The following DMAP1 variants were observed in gnomAD, a reference collection of about 807,000 sequenced individuals.
DMAP1 encodes DNA methyltransferase 1 associated protein 1, also known as DNA methyltransferase 1-associated protein 1.
Under a neutral mutation model 52.7 loss-of-function variants are expected in DMAP1, and 26 were observed. The ratio of observed to expected loss-of-function variants is 0.49; its 90% CI spans 0.36 to 0.68. DMAP1 has a LOEUF of 0.68. Among genes scored for constraint, DMAP1 ranks in the 30% least tolerant of loss-of-function variants. The pLI is 0.00. For missense variants in DMAP1, 439 were observed against 625.2 expected (o/e 0.70, Z 3.18); for synonymous variants, 231 against 246.0 (o/e 0.94, Z 0.57).
chr1:44,217,669 C>T (rs187249547), intron 3 of DMAP1: 5 of 164,410 alleles, frequency 3.0e-5, no homozygotes, highest in Admixed American at 2.8e-4. Context: ...TGGTTGTGGT[C>T]TTTAACTGAG....
chr1:44,219,948 G>A (rs1643873797), intron 8 of DMAP1, 69 bp from the exon 9 acceptor site: 8 of 1,610,138 alleles, frequency 5.0e-6, no homozygotes, highest in Non-Finnish European at 6.8e-6. Context: ...GGCAGGGGGA[G>A]GGGAGTTCAC....
Position 44,214,874 on chromosome 1 carries a change from C to T in DMAP1, c.369C>T (p.Asp123=). The change falls in exon 3 of 10, where the codon GAC becomes GAT. Residue 123 remains aspartate, a synonymous_variant. Transcript: ENST00000372289. ...HWRRAAEEGK[D]YPFARFNKTV... ...GACGTGCAGCGGAGGAGGGCAAGGA[C>T]TACCCCTTTGCCAGGTTCAATAAGG... 6.2e-7 allele frequency: 1 copy of T among 1,614,212 alleles called. No homozygotes were observed. Among genetic ancestry groups the T allele is most frequent in the Non-Finnish European group, 8.5e-7 (1 of 1,180,032 alleles).
At position 44,218,998 on chromosome 1, in the gene DMAP1, G is replaced by A. The variant is rs563199023; in HGVS notation, c.721-58G>A. On this transcript the variant is annotated intron_variant, in intron 5 of 9. Coordinates refer to ENST00000372289, the MANE Select transcript of DMAP1 (RefSeq NM_019100.5). The surrounding 1 kb of genome is among the most constrained non-coding windows in gnomAD (Gnocchi z 5.6). The stretch of plus-strand genomic sequence containing the variant: ...GACAGCCCAGCACCCTGTCACCTCC[G>A]TGTCTACCCTCACTCCTAGAAGTGC... 39 of 1,593,666 alleles carry A rather than the reference G, an allele frequency of 2.4e-5. No homozygotes were observed. The highest frequency in any genetic ancestry group is 5.1e-5 in the Admixed American group (3 of 58,576).
intron 3 of DMAP1, chr1:44,215,411 G>T (rs138367931): frequency 1.1e-4 from 47 of 443,808 alleles, no homozygotes; most frequent in Non-Finnish European, 1.7e-4. Flanking sequence ...CCACCCAGTT[G>T]CCCAAACCAG....
rs1572024688 is a variant in DMAP1, at chr1:44,214,216, C to T, written c.106-134C>T. Reference sequence around the variant, plus strand: ...GGATGGTGTTCCTGGGAGTGGGTTTCTGTGCCTTTACAGTGTGTCAGTTTG... The same window carrying T: ...GGATGGTGTTCCTGGGAGTGGGTTTTTGTGCCTTTACAGTGTGTCAGTTTG... On this transcript the variant is annotated intron_variant, in intron 1 of 9. Coordinates refer to ENST00000372289, the MANE Select transcript of DMAP1 (RefSeq NM_019100.5). 42 of 842,688 alleles carry T rather than the reference C, an allele frequency of 5.0e-5. 1 individual carries two copies. The highest frequency in any genetic ancestry group is 3.9e-4 in the East Asian group (16 of 41,208). The allele number at this position is 842,688 out of a possible 1,614,324, so 52.2% of individuals were successfully genotyped here.
rs1264227096 is a variant in DMAP1 at position 44,220,661 on chromosome 1, C to T, written c.*43C>T. Reference sequence around the variant, plus strand: ...GGGCGACGCTGTTATGTAAATAGAGCTGCTGAGTTGGACCAGGCTGCTTCC... The same window carrying T: ...GGGCGACGCTGTTATGTAAATAGAGTTGCTGAGTTGGACCAGGCTGCTTCC... On this transcript the variant is annotated 3_prime_UTR_variant, in exon 10 of 10. Transcript: ENST00000372289. 6.2e-7 allele frequency: 1 copy of T among 1,611,768 alleles called. No individual in the cohort carries two copies.
Position 44,218,044 on chromosome 1 carries a change from A to G in DMAP1, c.394-267A>G, listed in dbSNP as rs560547899. The G allele has an allele frequency of 9.1e-6, 5 of 547,534 alleles. No individual in the cohort carries two copies. Among genetic ancestry groups the G allele is most frequent in the South Asian group, 3.9e-5 (2 of 51,238 alleles). The allele number at this position is 547,534 out of a possible 1,614,324, so 33.9% of individuals were successfully genotyped here. On this transcript the variant is annotated intron_variant, in intron 3 of 9. Coordinates refer to ENST00000372289, the MANE Select transcript of DMAP1 (RefSeq NM_019100.5). This position sits in a 1 kb window ranked among gnomAD's most constrained non-coding sequence, Gnocchi z 5.6. ...TACATGTGGGCCCCTCACCTTAACT[A>G]TGGGGGCAGGAGTGTGTGTCCCATG...
chr1:44,220,371 G>C, intron 9 of DMAP1, 62 bp downstream of exon 9: 2 of 1,524,408 alleles, frequency 1.3e-6, no homozygotes, highest in Admixed American at 2.0e-5. Flanking sequence ...ATGCACATGG[G>C]TGTAGGGGCT....
intron 8 of DMAP1, 69 bp downstream of exon 8, chr1:44,219,947 A>C (rs1643873742): frequency 1.2e-6 from 2 of 1,609,148 alleles, no homozygotes; most frequent in Non-Finnish European, 1.7e-6. Context: ...GGGCAGGGGG[A>C]GGGGAGTTCA....
chr1:44,213,687 C>T lies in DMAP1; in HGVS notation c.-67C>T. On this transcript the variant is annotated 5_prime_UTR_variant, in exon 1 of 10. Coordinates refer to ENST00000372289, the MANE Select transcript of DMAP1 (RefSeq NM_019100.5). The surrounding 1 kb of genome is among the most constrained non-coding windows in gnomAD (Gnocchi z 4.5). ...GGTCTGGATTGGCCCCGCCCCCTGA[C>T]CTGAGCCTGGTCCTTCTTCAGGCAC... 1 of 1,475,564 alleles carries T rather than the reference C, an allele frequency of 6.8e-7. No individual in the cohort carries two copies. Among genetic ancestry groups the T allele is most frequent in the Non-Finnish European group, 9.3e-7 (1 of 1,080,742 alleles). The allele number at this position is 1,475,564 out of a possible 1,614,324, so 91.4% of individuals were successfully genotyped here.
chr1:44,218,299 C>G lies in DMAP1; in HGVS notation c.394-12C>G. ...GCGGGCATGCCCCTACTGTGTCCCT[C>G]TGTGCTAGTAGACTGTGCAGGTGCC... On this transcript the variant is annotated splice_polypyrimidine_tract_variant and intron_variant, in intron 3 of 9. Transcript: ENST00000372289. This position sits in a 1 kb window ranked among gnomAD's most constrained non-coding sequence, Gnocchi z 5.6. The G allele has an allele frequency of 6.2e-7, 1 of 1,614,244 alleles. No individual in the cohort carries two copies. Among genetic ancestry groups the G allele is most frequent in the Non-Finnish European group, 8.5e-7 (1 of 1,180,038 alleles).
At position 44,219,130 on chromosome 1, in the gene DMAP1, C is replaced by T; in HGVS notation, c.795C>T (p.Ser265=). 1 of 1,614,190 alleles carries T rather than the reference C, an allele frequency of 6.2e-7. No homozygotes were observed. Among genetic ancestry groups the T allele is most frequent in the East Asian group, 2.2e-5 (1 of 44,878 alleles). The change falls in exon 6 of 10, where the codon AGC becomes AGT. Residue 265 remains serine (S), a synonymous_variant. Transcript: ENST00000372289. ...EARKKEREKR[S]QDLQKLITAA... ...GGAAGAAGGAGCGGGAGAAACGCAGCCAGGACCTGCAGAAGCTGATCACAG... is the reference window on the plus strand; with the variant it reads ...GGAAGAAGGAGCGGGAGAAACGCAGTCAGGACCTGCAGAAGCTGATCACAG...
chr1:44,220,474 G>A (rs949385560), intron 9 of DMAP1, 85 bp from the exon 10 acceptor site: 52 of 1,610,338 alleles, frequency 3.2e-5, no homozygotes, highest in Non-Finnish European at 4.0e-5. Flanking sequence ...GGGCGTCCTT[G>A]TCCCTGAGCG....
At position 44,214,378 on chromosome 1, in the gene DMAP1, T is replaced by C; in HGVS notation, c.134T>C (p.Leu45Pro). Residue 45 changes from leucine (L) to proline (P), a missense_variant, in exon 2 of 10, where the codon CTG becomes CCG. By Grantham distance (98) the Leu-to-Pro change is moderately conservative. This residue lies in a region of DMAP1 where 118 missense variants were observed against 189.8 expected (regional missense o/e 0.62). Transcript: ENST00000372289. ...AAATCCAAGAAGTCCTCTGAGACAC[T>C]GACTTTCAAGAGGCCCGAGGGCATG... ...KKKSKKSSET[L>P]TFKRPEGMHR... 1 of 1,614,126 alleles carries C rather than the reference T, an allele frequency of 6.2e-7. No homozygotes were observed. The highest frequency in any genetic ancestry group is 2.2e-5 in the East Asian group (1 of 44,878).
intron 2 of DMAP1, 68 bp from the exon 3 acceptor site, chr1:44,214,635 C>T (rs775669197): frequency 6.2e-7 from 1 of 1,613,366 alleles, no homozygotes; most frequent in African/African-American, 1.3e-5. Flanking sequence ...GATCAGCTCC[C>T]TGGGACAAAA....
intron 2 of DMAP1, 28 bp downstream of exon 2, chr1:44,214,469 G>C (rs770207008): frequency 2.5e-6 from 4 of 1,613,662 alleles, no homozygotes; most frequent in East Asian, 4.5e-5. Context: ...AAGTCCCCCA[G>C]GTTTTGGCCC....
At chr1:44,214,222 CTTT>C in intron 1 of DMAP1, 125 bp from the exon 2 acceptor site, 1 of 899,028 alleles carries the variant, frequency 1.1e-6, no homozygotes, top group East Asian at 2.4e-5. Context: ...GTTTCTGTGC[CTTT>C]ACAGTGTGTC....
Position 44,213,678 on chromosome 1 carries a change from G to GC in DMAP1, c.-71dup. 7.2e-7 allele frequency: 1 copy of GC among 1,397,002 alleles called. No homozygotes were observed. The highest frequency in any genetic ancestry group is 9.9e-7 in the Non-Finnish European group (1 of 1,012,126). 86.5% of individuals were successfully genotyped at this position (1,397,002 alleles called of 1,614,324 possible). Reference sequence around the variant, plus strand: ...CTCCGCTTAGGTCTGGATTGGCCCCGCCCCCTGACCTGAGCCTGGTCCTTC... The same window carrying GC: ...CTCCGCTTAGGTCTGGATTGGCCCCGCCCCCCTGACCTGAGCCTGGTCCTTC... On this transcript the variant is annotated 5_prime_UTR_variant, in exon 1 of 10. Transcript: ENST00000372289. This position sits in a 1 kb window ranked among gnomAD's most constrained non-coding sequence, Gnocchi z 4.5.
chr1:44,220,608 A>G lies in DMAP1; in HGVS notation c.1394A>G (p.Lys465Arg), dbSNP rs1201187416. The part of the protein sequence containing the change: ...ASSSSSVKKA[K>R]KP ...AGCTCATCTTCCGTGAAGAAAGCCA[A>G]GAAGCCGTGAGAGGCCCCACGGGGT... Residue 465 changes from lysine to arginine, a missense_variant, in exon 10 of 10, where the codon AAG becomes AGG. Lys to Arg is a conservative substitution (Grantham distance 26). Transcript: ENST00000372289. 1 of 1,614,128 alleles carries G rather than the reference A, an allele frequency of 6.2e-7. No homozygotes were observed. The highest frequency in any genetic ancestry group is 1.3e-5 in the African/African-American group (1 of 74,944).
Sources: gnomAD v4.1 joint callset for allele counts on GRCh38, gnomAD v4.1.1 for gene constraint, gnomAD v4.1.1 regional missense constraint, Gnocchi (gnomAD v3.1) non-coding constraint, MANE v1.5 for transcripts, NCBI Gene and HGNC (gene_info 2026-07-23, HGNC 2026-07-21) for gene names.